NRXN3: variants seen among roughly 807,000 people sequenced by gnomAD.
The protein encoded by NRXN3 is neurexin 3, also known as neurexin III.
A neutral mutation model predicts 137.6 loss-of-function variants in NRXN3; 32 were observed. The ratio of observed to expected loss-of-function variants is 0.23; its 90% confidence interval spans 0.18 to 0.31. The LOEUF is 0.31. Among genes scored for constraint, NRXN3 ranks in the 10% least tolerant of loss-of-function variants. NRXN3 has a pLI of 1.00. For synonymous variants in NRXN3, 798 were observed against 784.5 expected, an observed-to-expected ratio of 1.02 and a Z score of -0.29; for missense variants, 1,574 against 2,062.5, an observed-to-expected ratio of 0.76 and a Z score of 4.59.
At chr14:78,700,928 T>C (rs146209055) in intron 6 of NRXN3, among the ~76,000 whole-genome samples, 33 of 152,216 alleles carry the variant, frequency 2.2e-4, no homozygotes, top group Non-Finnish European at 4.1e-4. Context: ...TCCACCACCA[T>C]GCCTGGCTAA....
intron 1 of NRXN3, among the ~76,000 whole-genome samples, chr14:78,199,734 T>C (rs754545054): frequency 1.8e-4 from 27 of 152,176 alleles, no homozygotes; most frequent in Admixed American, 6.5e-4. Context: ...TGTGCCCCAG[T>C]GAACAAACCA....
intron 4 of NRXN3, among the ~76,000 whole-genome samples, chr14:78,434,856 A>G (rs2153690907): frequency 6.6e-6 from 1 of 152,312 alleles, no homozygotes; most frequent in South Asian, 2.1e-4. Flanking sequence ...TGTGGCCAAG[A>G]GGAGGCCAGG....
At chr14:78,621,239 GA>G (rs2097400979) in intron 4 of NRXN3, among the ~76,000 whole-genome samples, 1 of 152,106 alleles carries the variant, frequency 6.6e-6, no homozygotes, top group African/African-American at 2.4e-5. Flanking sequence ...GAGGCACAAA[GA>G]AATAAGACAG....
intron 1 of NRXN3, among the ~76,000 whole-genome samples, chr14:78,184,615 A>G (rs1356259002): frequency 6.6e-6 from 1 of 152,236 alleles, no homozygotes; most frequent in Non-Finnish European, 1.5e-5. Flanking sequence ...GCATTTCTCC[A>G]AATGAGAGGT....
rs921829278 is a variant in NRXN3 at position 79,104,965 on chromosome 14, C to T, written c.3262+116824C>T. On this transcript the variant is annotated intron_variant, in intron 15 of 20. Transcript: ENST00000335750. Reference sequence around the variant, plus strand: ...TCATTCATTGTATGGAATAATAATTCGGCAGTTTTCATGATATTTCATGTC... The same window carrying T: ...TCATTCATTGTATGGAATAATAATTTGGCAGTTTTCATGATATTTCATGTC... 5.9e-5 allele frequency among the ~76,000 whole-genome samples: 9 copies of T among 151,840 alleles called. No homozygotes were observed. The East Asian group carries it at 7.7e-4, about 13-fold the overall frequency.
intron 15 of NRXN3, among the ~76,000 whole-genome samples, chr14:79,160,384 T>G (rs921886213): frequency 6.6e-6 from 1 of 151,962 alleles, no homozygotes; most frequent in East Asian, 1.9e-4. Flanking sequence ...TCTTGTAATT[T>G]AGCACATTGT....
At chr14:78,382,990 A>G (rs1186731883) in intron 4 of NRXN3, among the ~76,000 whole-genome samples, 1 of 152,174 alleles carries the variant, frequency 6.6e-6, no homozygotes, top group African/African-American at 2.4e-5. Flanking sequence ...CATTTAAGCC[A>G]CCAACTGCTT....
intron 6 of NRXN3, among the ~76,000 whole-genome samples, chr14:78,692,365 T>C (rs1299618632): frequency 6.6e-6 from 1 of 152,224 alleles, no homozygotes; most frequent in African/African-American, 2.4e-5. Context: ...TAGATGGTAC[T>C]AAGTTTTCTA....
At chr14:79,064,727 A>G (rs796780891) in intron 15 of NRXN3, among the ~76,000 whole-genome samples, 12 of 64,754 alleles carry the variant, frequency 1.9e-4, no homozygotes, top group South Asian at 1.3e-3. Context: ...AATTACCCAT[A>G]TATATGTATA....
intron 15 of NRXN3, among the ~76,000 whole-genome samples, chr14:79,016,184 T>C (rs911851599): frequency 6.6e-6 from 1 of 152,194 alleles, no homozygotes. Flanking sequence ...AGGAAATGTT[T>C]ATGTTATTAT....
chr14:79,223,687 C>T (rs1027273865), intron 15 of NRXN3, among the ~76,000 whole-genome samples: 5 of 152,110 alleles, frequency 3.3e-5, no homozygotes, highest in African/African-American at 1.2e-4. Context: ...GCTCCCTGCT[C>T]CCTTCAATAA....
intron 16 of NRXN3, among the ~76,000 whole-genome samples, chr14:79,468,270 A>G (rs1471809012): frequency 6.6e-6 from 1 of 152,248 alleles, no homozygotes; most frequent in Non-Finnish European, 1.5e-5. Flanking sequence ...TTTTACAGCA[A>G]CAATTAACCC....
intron 1 of NRXN3, among the ~76,000 whole-genome samples, chr14:78,188,468 A>G (rs1054343393): frequency 6.6e-6 from 1 of 152,234 alleles, no homozygotes; most frequent in African/African-American, 2.4e-5. Context: ...GGGGCAAATC[A>G]GGAAACCAAG....
chr14:79,548,762 C>CA (rs1220415241), intron 16 of NRXN3, among the ~76,000 whole-genome samples: 50 of 137,876 alleles, frequency 3.6e-4, no homozygotes, highest in African/African-American at 1.3e-3. Context: ...AAAAAAAAAA[C>CA]AAAAAAAATC....
At chr14:79,806,595 T>C (rs944172959) in intron 20 of NRXN3, among the ~76,000 whole-genome samples, 2 of 152,146 alleles carry the variant, frequency 1.3e-5, no homozygotes, top group African/African-American at 4.8e-5. Flanking sequence ...GGCAGATACA[T>C]CCGAACTATA....
chr14:78,622,539 A>G (rs776296104), intron 4 of NRXN3, among the ~76,000 whole-genome samples: 1 of 152,212 alleles, frequency 6.6e-6, no homozygotes, highest in Non-Finnish European at 1.5e-5. Context: ...CCACAAAGCA[A>G]TCGTGAGCTT....
intron 4 of NRXN3, among the ~76,000 whole-genome samples, chr14:78,577,484 C>T (rs953446872): frequency 2.2e-4 from 33 of 151,416 alleles, no homozygotes; most frequent in Non-Finnish European, 5.9e-5. Context: ...TTTTTTTTTG[C>T]GATGGAGTTT....
At chr14:79,084,438 A>G (rs768141793) in intron 15 of NRXN3, among the ~76,000 whole-genome samples, 1 of 152,234 alleles carries the variant, frequency 6.6e-6, no homozygotes, top group Non-Finnish European at 1.5e-5. Context: ...AAGGGATATT[A>G]TTTAAAAATA....
Position 78,801,044 on chromosome 14 carries a change from G to A in NRXN3, c.2045-2576G>A, listed in dbSNP as rs139976650. Among the ~76,000 whole-genome samples, 476 of 152,310 alleles carry A rather than the reference G, an allele frequency of 3.1e-3. 1 individual carries two copies. Among genetic ancestry groups the A allele is most frequent in the African/African-American group, 0.011 (442 of 41,566 alleles). Reference sequence around the variant, plus strand: ...CCGCTCTAAAGAAATACATGAGGCCGGGCGCAGTGGCTCACGCCTGTAATC... The same window carrying A: ...CCGCTCTAAAGAAATACATGAGGCCAGGCGCAGTGGCTCACGCCTGTAATC... On this transcript the variant is annotated intron_variant, in intron 8 of 20. Coordinates refer to ENST00000335750, the MANE Select transcript of NRXN3 (RefSeq NM_001330195.2).
Sources: gnomAD v4.1 joint callset for allele counts (sites outside exome capture counted in the v4.1 genomes callset) on GRCh38, gnomAD v4.1.1 for gene constraint, MANE v1.5 for transcripts, NCBI Gene and HGNC (gene_info 2026-07-23, HGNC 2026-07-21) for gene names.